Variants in SBF2 observed in about 807,000 individuals in gnomAD.
SBF2 encodes the protein myotubularin-related protein 13.
SBF2 carries 112 observed loss-of-function variants against 225.2 expected under a neutral mutation model. The ratio of observed to expected loss-of-function variants is 0.50; its 90% CI spans 0.43 to 0.58. SBF2 has a LOEUF of 0.58. SBF2 is among the 20% of genes least tolerant of loss of function. The pLI is 0.00. For synonymous variants in SBF2, 763 were observed against 773.3 expected, an observed-to-expected ratio of 0.99 and a Z score of 0.22; for missense variants, 1,996 against 2,206.2, an observed-to-expected ratio of 0.90 and a Z score of 1.91.
At chr11:10,173,433 G>A (rs923643283) in intron 2 of SBF2, among the ~76,000 whole-genome samples, 7 of 152,214 alleles carry the variant, frequency 4.6e-5, no homozygotes, top group Non-Finnish European at 7.3e-5. Context: ...ACTCCCACCC[G>A]AATACTGCGC....
intron 2 of SBF2, among the ~76,000 whole-genome samples, chr11:10,193,351 C>CTTTTT (rs60903141): frequency 4.3e-4 from 47 of 110,490 alleles, no homozygotes; most frequent in South Asian, 6.4e-4. Context: ...TCAATTTCAT[C>CTTTTT]TTTTTTTTTT....
At chr11:10,193,169 G>C (rs568678165) in intron 2 of SBF2, among the ~76,000 whole-genome samples, 2 of 151,894 alleles carry the variant, frequency 1.3e-5, no homozygotes, top group South Asian at 4.2e-4. Context: ...AACATTAAAT[G>C]AACTTTTGGT....
intron 15 of SBF2, among the ~76,000 whole-genome samples, chr11:9,963,526 T>C (rs188653392): frequency 3.9e-5 from 6 of 152,216 alleles, no homozygotes; most frequent in Non-Finnish European, 7.3e-5. Context: ...AAATAGTGTT[T>C]TGTGAACAAT....
intron 1 of SBF2, among the ~76,000 whole-genome samples, chr11:10,253,492 C>A (rs1342543720): frequency 6.6e-6 from 1 of 152,046 alleles, no homozygotes; most frequent in African/African-American, 2.4e-5. Context: ...CTTTTTGTTC[C>A]TGGATATATC....
intron 1 of SBF2, among the ~76,000 whole-genome samples, chr11:10,300,811 CTT>C (rs570381146): frequency 5.8e-5 from 8 of 138,110 alleles, no homozygotes; most frequent in Admixed American, 7.3e-5. Flanking sequence ...CTCTCTCTCT[CTT>C]TTTTTTTTTT....
chr11:9,992,952 TA>T, intron 11 of SBF2, 37 bp downstream of exon 11: 1 of 1,392,270 alleles, frequency 7.2e-7, no homozygotes, highest in Non-Finnish European at 1.0e-6. Flanking sequence ...AATTAGAATA[TA>T]TTTTTTGGAC....
At chr11:9,977,321 A>C (rs893212186) in intron 13 of SBF2, among the ~76,000 whole-genome samples, 3 of 151,814 alleles carry the variant, frequency 2.0e-5, no homozygotes, top group African/African-American at 4.8e-5. Context: ...CTATCTCTAC[A>C]AAAAAATTAC....
At chr11:10,108,151 C>A (rs1952638902) in intron 2 of SBF2, among the ~76,000 whole-genome samples, 1 of 152,134 alleles carries the variant, frequency 6.6e-6, no homozygotes, top group African/African-American at 2.4e-5. Flanking sequence ...CCTAAGTAAC[C>A]ATAAATTCAA....
At chr11:9,863,031 T>C (rs1398520317) in intron 17 of SBF2, among the ~76,000 whole-genome samples, 2 of 152,086 alleles carry the variant, frequency 1.3e-5, no homozygotes, top group Non-Finnish European at 2.9e-5. Context: ...AAAAAAGTGG[T>C]ATTGTGCCAT....
At chr11:10,293,552 T>C (rs1241719053) in intron 1 of SBF2, among the ~76,000 whole-genome samples, 1 of 152,214 alleles carries the variant, frequency 6.6e-6, no homozygotes, top group African/African-American at 2.4e-5. Context: ...GAGTTAGCAC[T>C]GGACTCTCAG....
rs755699993 is a variant in SBF2, at chr11:9,850,160, C to T, written c.2669G>A (p.Arg890Gln). 19 of 1,613,924 alleles carry T rather than the reference C, an allele frequency of 1.2e-5. No individual in the cohort carries two copies. Among genetic ancestry groups the T allele is most frequent in the Middle Eastern group, 3.3e-4 (2 of 5,986 alleles). The change falls in exon 22 of 40, where the codon CGA becomes CAA. Residue 890 changes from arginine (R) to glutamine (Q), a missense_variant. Arg to Gln is a conservative substitution (Grantham distance 43, BLOSUM62 1). Coordinates refer to ENST00000256190, the MANE Select transcript of SBF2 (RefSeq NM_030962.4). Reference protein sequence around the residue: ...PGEEIVCEGLRVLLDPDGREE... With the variant: ...PGEEIVCEGLQVLLDPDGREE... ...TCTTCCATCAGGATCCAGCAAGACT[C>T]GAAGACCCTCACAGACAATTTCTTC...
At chr11:9,803,016 T>C (rs1306610261) in intron 32 of SBF2, among the ~76,000 whole-genome samples, 2 of 152,220 alleles carry the variant, frequency 1.3e-5, no homozygotes, top group East Asian at 1.9e-4. Flanking sequence ...TAAAAATTTA[T>C]GTTTTAATTT....
At chr11:10,109,447 T>C (rs752691042) in intron 2 of SBF2, among the ~76,000 whole-genome samples, 2 of 152,210 alleles carry the variant, frequency 1.3e-5, no homozygotes, top group African/African-American at 2.4e-5. Context: ...AGTATTATTT[T>C]TAGCTCGCAT....
At chr11:9,809,737 G>C (rs1157044749) in intron 30 of SBF2, among the ~76,000 whole-genome samples, 1 of 151,860 alleles carries the variant, frequency 6.6e-6, no homozygotes, top group African/African-American at 2.4e-5. Flanking sequence ...GTAGAGACGA[G>C]GTTTCACCAT....
chr11:10,189,766 A>AGATTGTTGTTACAGGCATGC, intron 2 of SBF2, among the ~76,000 whole-genome samples: 1 of 152,300 alleles, frequency 6.6e-6, no homozygotes, highest in Middle Eastern at 3.4e-3. Context: ...TCTAACAAAA[A>AGATTGTTGTTACAGGCATGC]CCTTAGTACA....
At chr11:9,896,962 A>G (rs755986370) in intron 16 of SBF2, among the ~76,000 whole-genome samples, 28 of 152,226 alleles carry the variant, frequency 1.8e-4, no homozygotes, top group Non-Finnish European at 2.9e-4. Flanking sequence ...GATTCCACAC[A>G]TGCAAAAAAT....
At chr11:9,917,098 A>T (rs2134207965) in intron 16 of SBF2, among the ~76,000 whole-genome samples, 1 of 151,864 alleles carries the variant, frequency 6.6e-6, no homozygotes, top group Non-Finnish European at 1.5e-5. Flanking sequence ...TTTCAATATG[A>T]AAGATCTAGG....
At chr11:10,077,050 T>C (rs899534019) in intron 2 of SBF2, among the ~76,000 whole-genome samples, 1 of 152,174 alleles carries the variant, frequency 6.6e-6, no homozygotes, top group African/African-American at 2.4e-5. Context: ...GGATCTCGCA[T>C]GCTAGCGCCA....
intron 16 of SBF2, among the ~76,000 whole-genome samples, chr11:9,914,927 C>CGG (rs1175325653): frequency 9.7e-6 from 1 of 103,114 alleles, no homozygotes; most frequent in Non-Finnish European, 1.8e-5. Flanking sequence ...TATAGATGTG[C>CGG]GGGGGGCAGG....
Sources: gnomAD v4.1 joint callset for allele counts (sites outside exome capture counted in the v4.1 genomes callset) on GRCh38, gnomAD v4.1.1 for gene constraint, MANE v1.5 for transcripts, NCBI Gene and HGNC (gene_info 2026-07-23, HGNC 2026-07-21) for gene names.